Variants in CNTNAP2 observed in about 807,000 individuals in gnomAD.
CNTNAP2 encodes the protein contactin associated protein 2, also known as contactin-associated protein-like 2.
Under a neutral mutation model 155.2 loss-of-function variants are expected in CNTNAP2, and 98 were observed. That is an observed-to-expected ratio of 0.63 (90% CI 0.54 to 0.75). The LOEUF is 0.75. Among genes scored for constraint, CNTNAP2 ranks in the 30% least tolerant of loss-of-function variants. The pLI is 0.00. For synonymous variants in CNTNAP2, 651 were observed against 631.2 expected, an observed-to-expected ratio of 1.03 and a Z score of -0.47; for missense variants, 1,727 against 1,688.1, an observed-to-expected ratio of 1.02 and a Z score of -0.40.
intron 3 of CNTNAP2, among the ~76,000 whole-genome samples, chr7:146,960,974 T>A (rs1464968949): frequency 6.6e-6 from 1 of 152,204 alleles, no homozygotes; most frequent in Non-Finnish European, 1.5e-5. Flanking sequence ...TTTCTCCTTT[T>A]CTAAGTGGGC....
intron 1 of CNTNAP2, among the ~76,000 whole-genome samples, chr7:146,165,840 G>A (rs1211934281): frequency 6.6e-6 from 1 of 152,094 alleles, no homozygotes; most frequent in African/African-American, 2.4e-5. Context: ...AATGCATAAT[G>A]ATAAAAGATG....
intron 15 of CNTNAP2, among the ~76,000 whole-genome samples, chr7:148,096,868 A>G (rs1032977912): frequency 5.9e-5 from 9 of 152,198 alleles, no homozygotes. Context: ...CCCTTAATAT[A>G]ACTCAAATAA....
At chr7:147,821,772 G>C (rs181476350) in intron 13 of CNTNAP2, among the ~76,000 whole-genome samples, 1 of 152,096 alleles carries the variant, frequency 6.6e-6, no homozygotes, top group African/African-American at 2.4e-5. Context: ...AAATTGCGGC[G>C]ACAGGTAGGG....
intron 3 of CNTNAP2, among the ~76,000 whole-genome samples, chr7:146,851,988 G>A (rs1794888509): frequency 6.6e-6 from 1 of 151,900 alleles, no homozygotes; most frequent in African/African-American, 2.4e-5. Flanking sequence ...GGCTGGCCTT[G>A]TTTTTCATTT....
intron 2 of CNTNAP2, among the ~76,000 whole-genome samples, chr7:146,780,502 T>C (rs938136150): frequency 6.6e-6 from 1 of 152,138 alleles, no homozygotes; most frequent in African/African-American, 2.4e-5. Flanking sequence ...TTCCTGACTT[T>C]TTAATGATCA....
At chr7:146,973,176 G>A (rs957757742) in intron 3 of CNTNAP2, among the ~76,000 whole-genome samples, 6 of 152,062 alleles carry the variant, frequency 3.9e-5, no homozygotes, top group Non-Finnish European at 8.8e-5. Flanking sequence ...TTATAGGCAC[G>A]TGCTGACATG....
At chr7:148,194,828 C>A (rs1054260053) in intron 18 of CNTNAP2, among the ~76,000 whole-genome samples, 1 of 152,186 alleles carries the variant, frequency 6.6e-6, no homozygotes, top group Non-Finnish European at 1.5e-5. Flanking sequence ...ATGGTGCCCA[C>A]CCTTATTGGT....
At chr7:147,948,010 A>AT (rs754629880) in intron 14 of CNTNAP2, among the ~76,000 whole-genome samples, 2 of 152,164 alleles carry the variant, frequency 1.3e-5, no homozygotes, top group Admixed American at 6.6e-5. Flanking sequence ...TCTGTACAGA[A>AT]TTTTTTTAAA....
intron 15 of CNTNAP2, among the ~76,000 whole-genome samples, chr7:148,089,862 C>A (rs1356507684): frequency 1.3e-5 from 2 of 151,830 alleles, no homozygotes; most frequent in Admixed American, 6.6e-5. Context: ...TATCACATGA[C>A]CTGATTTTAA....
chr7:146,293,927 G>A (rs2129087068), intron 1 of CNTNAP2, among the ~76,000 whole-genome samples: 1 of 152,154 alleles, frequency 6.6e-6, no homozygotes, highest in Admixed American at 6.5e-5. Flanking sequence ...TGGAGTTGGA[G>A]GGGCTGCCTT....
chr7:146,236,244 TA>T (rs1251217548), intron 1 of CNTNAP2, among the ~76,000 whole-genome samples: 8 of 152,258 alleles, frequency 5.3e-5, no homozygotes, highest in Middle Eastern at 6.8e-3. Context: ...TGTGTACTAT[TA>T]AAAAAATAAT....
At chr7:146,232,804 G>A (rs537838645) in intron 1 of CNTNAP2, among the ~76,000 whole-genome samples, 11 of 151,958 alleles carry the variant, frequency 7.2e-5, no homozygotes, top group Non-Finnish European at 1.6e-4. Flanking sequence ...GACATTTGAC[G>A]TTGACAAAAA....
chr7:147,103,525 A>G (rs1800694962), intron 4 of CNTNAP2, among the ~76,000 whole-genome samples: 1 of 152,108 alleles, frequency 6.6e-6, no homozygotes. Flanking sequence ...ACTATATAGT[A>G]TTCGATTCTG....
rs565231228 is a variant in CNTNAP2, at chr7:147,293,296, A to G, written c.1349-6845A>G. 3.3e-5 allele frequency among the ~76,000 whole-genome samples: 5 copies of G among 152,310 alleles called. No homozygotes were observed. In the East Asian group the frequency reaches 7.7e-4, roughly 23 times the overall value. Reference sequence around the variant, plus strand: ...ACCTTTTTACATGTTTTATCTGACAACAATTGATCATATTTATAATGTGGT... The same window carrying G: ...ACCTTTTTACATGTTTTATCTGACAGCAATTGATCATATTTATAATGTGGT... On this transcript the variant is annotated intron_variant, in intron 8 of 23. Coordinates refer to ENST00000361727, the MANE Select transcript of CNTNAP2 (RefSeq NM_014141.6).
chr7:147,111,280 TGGA>T (rs1289060576), intron 5 of CNTNAP2, among the ~76,000 whole-genome samples: 41 of 152,234 alleles, frequency 2.7e-4, no homozygotes, highest in Non-Finnish European at 4.3e-4. Flanking sequence ...CTTTGTCAGA[TGGA>T]TAGATTGCAA....
chr7:146,910,902 C>G lies in CNTNAP2; in HGVS notation c.402+70998C>G, dbSNP rs1000422663. Reference sequence around the variant, plus strand: ...AATGGGAGAAAATTTTCGCAACCTACTCATCTGACAAAGAGCTAATATCCA... The same window carrying G: ...AATGGGAGAAAATTTTCGCAACCTAGTCATCTGACAAAGAGCTAATATCCA... On this transcript the variant is annotated intron_variant, in intron 3 of 23. Coordinates refer to ENST00000361727, the MANE Select transcript of CNTNAP2 (RefSeq NM_014141.6). Among the ~76,000 whole-genome samples, 20 of 151,066 alleles carry G rather than the reference C, an allele frequency of 1.3e-4. No homozygotes were observed. In the East Asian group the frequency reaches 1.7e-3, roughly 13 times the overall value.
chr7:148,336,754 A>C (rs1798123683), intron 21 of CNTNAP2, among the ~76,000 whole-genome samples: 1 of 152,216 alleles, frequency 6.6e-6, no homozygotes, highest in Non-Finnish European at 1.5e-5. Context: ...TGACCTTAAA[A>C]TGTAATCATT....
At chr7:147,687,733 G>C (rs1443246363) in intron 13 of CNTNAP2, among the ~76,000 whole-genome samples, 2 of 152,034 alleles carry the variant, frequency 1.3e-5, no homozygotes, top group East Asian at 3.9e-4. Context: ...ACCAATTATG[G>C]GGGAGGAGCA....
At chr7:147,639,415 A>T in intron 13 of CNTNAP2, 109 bp downstream of exon 13, 1 of 996,220 alleles carries the variant, frequency 1.0e-6, no homozygotes, top group Non-Finnish European at 1.5e-6. Context: ...AGTCTTCAGT[A>T]GGAAGGAAGC....
Sources: gnomAD v4.1 joint callset for allele counts (sites outside exome capture counted in the v4.1 genomes callset) on GRCh38, gnomAD v4.1.1 for gene constraint, MANE v1.5 for transcripts, NCBI Gene and HGNC (gene_info 2026-07-23, HGNC 2026-07-21) for gene names.